Variants in PPP3CA observed in about 807,000 individuals in gnomAD.
PPP3CA encodes CAM-PRP catalytic subunit.
In PPP3CA, 14 loss-of-function variants were observed where a neutral mutation model predicts 66.5. That is an observed-to-expected ratio of 0.21 (90% CI 0.14 to 0.33). The LOEUF is 0.33. Ranked by LOEUF, PPP3CA falls within the 10% of genes least tolerant of loss-of-function variation. The pLI, the probability that PPP3CA is intolerant of heterozygous loss-of-function variation, is 1.00. For synonymous variants in PPP3CA, 232 were observed against 226.2 expected (o/e 1.03, Z -0.23); for missense variants, 317 against 639.5 (o/e 0.50, Z 5.44).
At chr4:101,167,580 G>A (rs1466066432) in intron 2 of PPP3CA, among the ~76,000 whole-genome samples, 1 of 152,122 alleles carries the variant, frequency 6.6e-6, no homozygotes, top group African/African-American at 2.4e-5. Context: ...AAAAAAAACT[G>A]AGCTACAAAG....
chr4:101,304,197 G>GT (rs1483859366), intron 1 of PPP3CA, among the ~76,000 whole-genome samples: 8 of 151,996 alleles, frequency 5.3e-5, no homozygotes, highest in African/African-American at 1.7e-4. Flanking sequence ...AGTCTCTTAT[G>GT]TTTTTTCCTA....
intron 10 of PPP3CA, among the ~76,000 whole-genome samples, chr4:101,047,048 T>C (rs1727796231): frequency 6.6e-6 from 1 of 152,192 alleles, no homozygotes; most frequent in Non-Finnish European, 1.5e-5. Flanking sequence ...GTCCAACAGT[T>C]GAAGTAATCC....
chr4:101,045,437 T>C (rs1443825088), intron 10 of PPP3CA, among the ~76,000 whole-genome samples: 1 of 152,126 alleles, frequency 6.6e-6, no homozygotes, highest in Non-Finnish European at 1.5e-5. Context: ...ACCGGGGCCA[T>C]TTTCCCTGGG....
At chr4:101,108,697 C>T (rs572328346) in intron 3 of PPP3CA, among the ~76,000 whole-genome samples, 1 of 152,222 alleles carries the variant, frequency 6.6e-6, no homozygotes, top group East Asian at 1.9e-4. Flanking sequence ...ACCCAGAAGG[C>T]AGAGGTTCTG....
intron 11 of PPP3CA, among the ~76,000 whole-genome samples, 194 bp from the exon 12 acceptor site, chr4:101,032,558 T>C (rs1727023183): frequency 6.6e-6 from 1 of 152,184 alleles, no homozygotes; most frequent in African/African-American, 2.4e-5. Flanking sequence ...CCATAAACGA[T>C]TGCTACCATA....
chr4:101,255,611 T>A (rs542449774), intron 1 of PPP3CA, among the ~76,000 whole-genome samples: 28 of 151,878 alleles, frequency 1.8e-4, no homozygotes, highest in Non-Finnish European at 3.2e-4. Context: ...AATTCTAACA[T>A]CTTATTGTCA....
At chr4:101,227,847 G>T (rs182366097) in intron 1 of PPP3CA, among the ~76,000 whole-genome samples, 2 of 151,774 alleles carry the variant, frequency 1.3e-5, no homozygotes, top group African/African-American at 4.8e-5. Context: ...ATTCATTTAG[G>T]ATAATGTTCT....
chr4:101,040,135 G>T (rs550187075), intron 11 of PPP3CA, among the ~76,000 whole-genome samples: 25 of 152,028 alleles, frequency 1.6e-4, no homozygotes, highest in African/African-American at 5.8e-4. Flanking sequence ...TTCACCACGA[G>T]CCAGAACGAA....
intron 1 of PPP3CA, among the ~76,000 whole-genome samples, chr4:101,206,104 C>A (rs1356328652): frequency 6.6e-6 from 1 of 152,190 alleles, no homozygotes; most frequent in Non-Finnish European, 1.5e-5. Context: ...TGTTTGCTTC[C>A]TTCTGATGAC....
At position 101,140,476 on chromosome 4, in the gene PPP3CA, T is replaced by C. The variant is rs533275614; in HGVS notation, c.260-31398A>G. ...CTCTCCTCAGCAGCACTTAGAAGAT[T>C]AGTCATGCAATATTAGGCCTTGAGG... On this transcript the variant is annotated intron_variant, in intron 2 of 13. Transcript: ENST00000394854. Among the ~76,000 whole-genome samples, 179 of 152,258 alleles carry C rather than the reference T, an allele frequency of 1.2e-3. 1 individual carries two copies. Among genetic ancestry groups the C allele is most frequent in the South Asian group, 1.5e-3 (7 of 4,824 alleles).
At chr4:101,171,726 T>C (rs1223535098) in intron 2 of PPP3CA, among the ~76,000 whole-genome samples, 1 of 152,162 alleles carries the variant, frequency 6.6e-6, no homozygotes, top group Non-Finnish European at 1.5e-5. Context: ...AATTTACTAA[T>C]TAATTTACTT....
intron 1 of PPP3CA, among the ~76,000 whole-genome samples, chr4:101,253,971 C>A (rs903367594): frequency 2.0e-5 from 3 of 152,054 alleles, no homozygotes; most frequent in Admixed American, 1.3e-4. Context: ...TTTGCCCCTC[C>A]CACCTCCATT....
chr4:101,084,049 CT>C (rs1240908742), intron 6 of PPP3CA, among the ~76,000 whole-genome samples: 1 of 152,000 alleles, frequency 6.6e-6, no homozygotes, highest in Non-Finnish European at 1.5e-5. Context: ...CCTGAAAAAC[CT>C]TTTACAGTCA....
At chr4:101,165,290 C>T (rs1329807133) in intron 2 of PPP3CA, among the ~76,000 whole-genome samples, 9 of 152,182 alleles carry the variant, frequency 5.9e-5, no homozygotes, top group African/African-American at 2.2e-4. Context: ...TTCCACATTT[C>T]TCCTTCCATA....
intron 10 of PPP3CA, among the ~76,000 whole-genome samples, chr4:101,042,568 CTG>C (rs2110212228): frequency 6.6e-6 from 1 of 152,266 alleles, no homozygotes; most frequent in South Asian, 2.1e-4. Flanking sequence ...TTCTCATTCA[CTG>C]TAAGTTCCTT....
chr4:101,232,763 T>A (rs1726002889), intron 1 of PPP3CA, among the ~76,000 whole-genome samples: 1 of 151,744 alleles, frequency 6.6e-6, no homozygotes, highest in South Asian at 2.1e-4. Flanking sequence ...TTTAAATTAG[T>A]TTCATGACCT....
chr4:101,261,157 T>C (rs1726997778), intron 1 of PPP3CA, among the ~76,000 whole-genome samples: 1 of 152,144 alleles, frequency 6.6e-6, no homozygotes, highest in Non-Finnish European at 1.5e-5. Context: ...GTAGGTACCA[T>C]TCATATCTCC....
intron 1 of PPP3CA, among the ~76,000 whole-genome samples, chr4:101,239,680 C>T (rs1726239415): frequency 6.6e-6 from 1 of 151,992 alleles, no homozygotes. Flanking sequence ...CAACTGTTCT[C>T]CAGTCACACC....
intron 1 of PPP3CA, among the ~76,000 whole-genome samples, chr4:101,244,902 A>C (rs1726428886): frequency 6.7e-6 from 1 of 149,560 alleles, no homozygotes; most frequent in Non-Finnish European, 1.5e-5. Flanking sequence ...ACGGCTTTAA[A>C]GGAGACTATT....
Sources: gnomAD v4.1 joint callset for allele counts (sites outside exome capture counted in the v4.1 genomes callset) on GRCh38, gnomAD v4.1.1 for gene constraint, MANE v1.5 for transcripts, NCBI Gene and HGNC (gene_info 2026-07-23, HGNC 2026-07-21) for gene names.